Variants in MMS22L observed in about 807,000 individuals in gnomAD.
MMS22L encodes the protein MMS22 like, DNA repair protein, also known as protein MMS22-like.
A neutral mutation model predicts 159.1 loss-of-function variants in MMS22L; 74 were observed. The ratio of observed to expected loss-of-function variants is 0.47; its 90% CI spans 0.39 to 0.56. The LOEUF (loss-of-function observed/expected upper bound fraction) is 0.56, where lower values mean the gene tolerates loss of function less well. Among genes scored for constraint, MMS22L ranks in the 20% least tolerant of loss-of-function variants. The pLI is 0.00. For missense variants in MMS22L, 1,351 were observed against 1,422.1 expected (o/e 0.95, Z 0.80); for synonymous variants, 517 against 506.9 (o/e 1.02, Z -0.27).
At chr6:97,184,214 CT>C (rs1804996569) in intron 15 of MMS22L, among the ~76,000 whole-genome samples, 1 of 152,040 alleles carries the variant, frequency 6.6e-6, no homozygotes, top group Admixed American at 6.6e-5. Context: ...CCACACTTCC[CT>C]GCTTTTTCTT....
intron 17 of MMS22L, among the ~76,000 whole-genome samples, chr6:97,179,100 C>T (rs1209314130): frequency 7.2e-5 from 11 of 151,846 alleles, no homozygotes; most frequent in Admixed American, 1.3e-4. Flanking sequence ...CTACTTTTTT[C>T]GTGATCAGTT....
At chr6:97,282,270 G>A (rs774588610) in intron 2 of MMS22L, 44 bp downstream of exon 2, 3 of 1,586,244 alleles carry the variant, frequency 1.9e-6, no homozygotes, top group Non-Finnish European at 2.6e-6. Context: ...CTAAAAAACT[G>A]GTGAATAATC....
chr6:97,221,183 T>C (rs1246946456), intron 14 of MMS22L, among the ~76,000 whole-genome samples: 1 of 152,128 alleles, frequency 6.6e-6, no homozygotes, highest in Non-Finnish European at 1.5e-5. Context: ...TCTAGTGAGG[T>C]AGGTGGTATT....
chr6:97,230,309 T>G (rs1395996545), intron 13 of MMS22L: 2 of 150,726 alleles, frequency 1.3e-5, no homozygotes, highest in African/African-American at 4.9e-5. Context: ...TTCACCATGT[T>G]GTCCAGGCTG....
chr6:97,229,934 AT>A (rs911036161), intron 13 of MMS22L, among the ~76,000 whole-genome samples: 7 of 152,204 alleles, frequency 4.6e-5, no homozygotes, highest in African/African-American at 1.7e-4. Flanking sequence ...AGAACTATGC[AT>A]TTAAAAATCT....
At chr6:97,209,803 G>A (rs1808178713) in intron 14 of MMS22L, among the ~76,000 whole-genome samples, 1 of 151,836 alleles carries the variant, frequency 6.6e-6, no homozygotes, top group African/African-American at 2.4e-5. Context: ...CTTAAGAAAA[G>A]TCTTTCCTAT....
chr6:97,185,311 A>T (rs1805109716), intron 15 of MMS22L, among the ~76,000 whole-genome samples: 1 of 152,160 alleles, frequency 6.6e-6, no homozygotes, highest in South Asian at 2.1e-4. Context: ...TGCCTATTAA[A>T]CTAGGTATTC....
chr6:97,271,170 G>A (rs1815697788), intron 6 of MMS22L: 1 of 151,932 alleles, frequency 6.6e-6, no homozygotes. Flanking sequence ...CTTGAAAGAT[G>A]CTTTTTATTT....
At position 97,208,962 on chromosome 6, in the gene MMS22L, ACTTCT is replaced by A. The variant is rs111858366; in HGVS notation, c.2039+19927_2039+19931del. Among the ~76,000 whole-genome samples the A allele has an allele frequency of 7.3e-3, 1,104 of 151,606 alleles. 13 individuals are homozygous for A. The highest frequency in any genetic ancestry group is 0.025 in the African/African-American group (1,031 of 41,334). The stretch of plus-strand genomic sequence containing the variant: ...CTCCTGTTTTAGCATTTTTTTCCTC[ACTTCT>A]CTTCTTCAACAACTTAGGTAATTGC... On this transcript the variant is annotated intron_variant, in intron 14 of 24. Transcript: ENST00000683635.
At chr6:97,158,745 T>G (rs1190373198) in intron 22 of MMS22L, among the ~76,000 whole-genome samples, 1 of 152,194 alleles carries the variant, frequency 6.6e-6, no homozygotes, top group Non-Finnish European at 1.5e-5. Flanking sequence ...GTGGTCATTT[T>G]TAGAATAAGT....
chr6:97,204,904 T>A (rs1329756231), intron 14 of MMS22L, among the ~76,000 whole-genome samples: 10 of 139,454 alleles, frequency 7.2e-5, no homozygotes, highest in Admixed American at 1.4e-4. Flanking sequence ...TTTTTTTTTT[T>A]AATATTTGTG....
chr6:97,184,360 G>A (rs938206552), intron 15 of MMS22L, among the ~76,000 whole-genome samples: 4 of 151,926 alleles, frequency 2.6e-5, no homozygotes, highest in African/African-American at 9.7e-5. Context: ...ATCTCATCCA[G>A]TTTCATGGTT....
At chr6:97,161,495 T>C (rs754648337) in intron 22 of MMS22L, among the ~76,000 whole-genome samples, 9 of 152,006 alleles carry the variant, frequency 5.9e-5, no homozygotes, top group Non-Finnish European at 1.0e-4. Context: ...TGTGAGCCAT[T>C]ATGCCAGGCC....
intron 11 of MMS22L, chr6:97,246,103 T>G (rs1448678992): frequency 2.4e-6 from 1 of 423,332 alleles, no homozygotes; most frequent in Admixed American, 3.0e-5. Flanking sequence ...TTAAAACTAT[T>G]TTAAAAGGAG....
intron 14 of MMS22L, among the ~76,000 whole-genome samples, chr6:97,215,506 G>T (rs548930891): frequency 1.3e-5 from 2 of 152,070 alleles, no homozygotes; most frequent in East Asian, 3.9e-4. Flanking sequence ...TTTGCACACC[G>T]GGGTTACTCC....
intron 14 of MMS22L, among the ~76,000 whole-genome samples, chr6:97,216,293 T>C (rs1809008095): frequency 6.6e-6 from 1 of 152,216 alleles, no homozygotes; most frequent in African/African-American, 2.4e-5. Flanking sequence ...TAGTGCCTTC[T>C]GAGGTTTTAT....
At position 97,247,394 on chromosome 6, in the gene MMS22L, T is replaced by C. The variant is rs994943175; in HGVS notation, c.1120-704A>G. Among the ~76,000 whole-genome samples, 4 of 152,170 alleles carry C rather than the reference T, an allele frequency of 2.6e-5. No homozygotes were observed. The East Asian group carries it at 7.7e-4, about 29-fold the overall frequency. On this transcript the variant is annotated intron_variant, in intron 10 of 24. Coordinates refer to ENST00000683635, the MANE Select transcript of MMS22L (RefSeq NM_001350599.2). ...GAAAGCATTTTAAAGAATAAGCAAG[T>C]AATAACCAGCTTCTAATGTGGAAGG...
intron 18 of MMS22L, among the ~76,000 whole-genome samples, chr6:97,176,867 C>T (rs898023604): frequency 3.3e-5 from 5 of 152,120 alleles, no homozygotes; most frequent in African/African-American, 7.2e-5. Flanking sequence ...GTTAATAAGT[C>T]ATAGCTGTGA....
chr6:97,220,103 G>C (rs537475202), intron 14 of MMS22L, among the ~76,000 whole-genome samples: 1 of 152,106 alleles, frequency 6.6e-6, no homozygotes, highest in Non-Finnish European at 1.5e-5. Flanking sequence ...TGCTATACTG[G>C]TCATGTTCTG....
Sources: gnomAD v4.1 joint callset for allele counts (sites outside exome capture counted in the v4.1 genomes callset) on GRCh38, gnomAD v4.1.1 for gene constraint, MANE v1.5 for transcripts, NCBI Gene and HGNC (gene_info 2026-07-23, HGNC 2026-07-21) for gene names.